PPP1R16A: variants seen among roughly 807,000 people sequenced by gnomAD.
The protein encoded by PPP1R16A is protein phosphatase 1 regulatory subunit 16A, also known as myosin phosphatase-targeting subunit 3.
A neutral mutation model predicts 46.6 loss-of-function variants in PPP1R16A; 39 were observed. The observed-to-expected ratio is 0.84, with a 90% CI of 0.65 to 1.09. The LOEUF (loss-of-function observed/expected upper bound fraction) is 1.09. PPP1R16A is among the 50% of genes least tolerant of loss of function. PPP1R16A has a pLI of 0.00. For synonymous variants in PPP1R16A, 413 were observed against 321.5 expected, an observed-to-expected ratio of 1.28 and a Z score of -3.04; for missense variants, 798 against 735.6, an observed-to-expected ratio of 1.08 and a Z score of -0.98.
chr8:144,498,174 G>T (rs751196779), intron 3 of PPP1R16A: 1 of 436,410 alleles, frequency 2.3e-6, no homozygotes, highest in Non-Finnish European at 4.7e-6. Flanking sequence ...GGAGGCAGAG[G>T]GAAGAGGCGG....
At chr8:144,491,987 T>C (rs1825828716) in intron 2 of PPP1R16A, among the ~76,000 whole-genome samples, 2 of 152,184 alleles carry the variant, frequency 1.3e-5, no homozygotes, top group Non-Finnish European at 2.9e-5. Flanking sequence ...TAGTTATAAG[T>C]TACAGGAACC....
At chr8:144,490,894 A>G (rs767798681) in intron 2 of PPP1R16A, among the ~76,000 whole-genome samples, 1 of 152,146 alleles carries the variant, frequency 6.6e-6, no homozygotes, top group African/African-American at 2.4e-5. Context: ...AACTCCACAC[A>G]CAAAAAAGAC....
intron 2 of PPP1R16A, among the ~76,000 whole-genome samples, chr8:144,492,358 G>T (rs2251727): frequency 0.52 from 74,070 of 143,662 alleles, 19,702 homozygotes; most frequent in African/African-American, 0.63. Context: ...TTTTTTGATA[G>T]GGAGTCTCTC....
rs1255417549 is a variant in PPP1R16A, at chr8:144,500,823, G to A, written c.908-19G>A. 8.2e-6 allele frequency: 13 copies of A among 1,588,724 alleles called. No homozygotes were observed. The highest frequency in any genetic ancestry group is 2.3e-5 in the East Asian group (1 of 43,654). On this transcript the variant is annotated intron_variant, in intron 9 of 11. Transcript: ENST00000435887. ...GACAGGCGGGGAGGGCGCCCCTGACGCCTGCGCCCACTTCTCAGATGTGTG... is the reference window on the plus strand; with the variant it reads ...GACAGGCGGGGAGGGCGCCCCTGACACCTGCGCCCACTTCTCAGATGTGTG...
At chr8:144,499,720 C>T in intron 5 of PPP1R16A, 1 of 245,256 alleles carries the variant, frequency 4.1e-6, no homozygotes, top group East Asian at 1.0e-4. Context: ...CGCCCTTCTT[C>T]CCTGGGGCCA....
Position 144,478,051 on chromosome 8 carries a change from G to A in PPP1R16A, c.-990G>A, listed in dbSNP as rs1586731593. ...CGGGTGCGGGGCCCGCCCCCGCAGC[G>A]CCTCAGGGAGCGCGGGGCCCACTGA... On this transcript the variant is annotated 5_prime_UTR_variant, in exon 1 of 12. Transcript: ENST00000435887. 1 of 395,190 alleles carries A rather than the reference G, an allele frequency of 2.5e-6. No homozygotes were observed. Among genetic ancestry groups the A allele is most frequent in the East Asian group, 3.6e-5 (1 of 27,848 alleles). 24.5% of individuals were successfully genotyped at this position (395,190 alleles called of 1,614,324 possible). A position where few individuals can be genotyped will look rare whatever the true frequency, so the allele number is the denominator to read the frequency against.
intron 1 of PPP1R16A, among the ~76,000 whole-genome samples, chr8:144,489,228 C>A (rs1158416983): frequency 7.2e-3 from 94 of 13,110 alleles, no homozygotes; most frequent in Admixed American, 0.016. Context: ...GGGGGGTTGG[C>A]CTGGGAGGGG....
intron 1 of PPP1R16A, among the ~76,000 whole-genome samples, chr8:144,489,281 TGG>T (rs1405477425): frequency 5.6e-5 from 2 of 35,866 alleles, no homozygotes; most frequent in African/African-American, 1.2e-4. Context: ...GGGGTTGGAC[TGG>T]GAGGGGGGTT....
At position 144,496,998 on chromosome 8, in the gene PPP1R16A, G is replaced by A. The variant is rs1826101776; in HGVS notation, c.-197G>A. 2.9e-6 allele frequency: 2 copies of A among 691,944 alleles called. No individual in the cohort carries two copies. The highest frequency in any genetic ancestry group is 1.9e-5 in the South Asian group (1 of 53,278). The allele number at this position is 691,944 out of a possible 1,614,324, so 42.9% of individuals were successfully genotyped here. ...CCTCCCACACTGCCCTCCCTGCCCC[G>A]GCCCATGCCCCCCAGGGCTGCCTGG... On this transcript the variant is annotated 5_prime_UTR_variant, in exon 3 of 12. Coordinates refer to ENST00000435887, the MANE Select transcript of PPP1R16A (RefSeq NM_001329443.2).
In PPP1R16A at chr8:144,500,212, G is replaced by T; in HGVS notation, c.580+13G>T. 1 of 1,596,580 alleles carries T rather than the reference G, an allele frequency of 6.3e-7. No individual in the cohort carries two copies. Among genetic ancestry groups the T allele is most frequent in the Non-Finnish European group, 8.5e-7 (1 of 1,172,498 alleles). On this transcript the variant is annotated intron_variant, in intron 6 of 11. Transcript: ENST00000435887. ...ATGGCCGACCGTGGTAGGTGCGGCG[G>T]TGCGGCTGTGGGAGGGCTGCCGGTC...
chr8:144,501,406 GC>G, intron 11 of PPP1R16A, 112 bp downstream of exon 11: 2 of 1,478,496 alleles, frequency 1.4e-6, no homozygotes, highest in East Asian at 2.5e-5. Context: ...CCCTGCAGGG[GC>G]CAGCTTTTGC....
Position 144,497,270 on chromosome 8 carries a change from GC to G in PPP1R16A, c.79del (p.Gln27ArgfsTer8). On this transcript the variant is annotated frameshift_variant, in exon 3 of 12. Transcript: ENST00000435887. LOFTEE classifies it high-confidence loss of function. ...RMSTQERLKH[A>X]QKRRAQQVKM... ...GAGCACACAGGAGCGGCTGAAGCAT[GC>G]CCAGAAGCGGCGCGCCCAGCAGGTG... 1 of 1,610,468 alleles carries G rather than the reference GC, an allele frequency of 6.2e-7. No homozygotes were observed. The highest frequency in any genetic ancestry group is 8.5e-7 in the Non-Finnish European group (1 of 1,179,010).
Position 144,497,433 on chromosome 8 carries a change from C to T in PPP1R16A, c.239C>T (p.Ala80Val), listed in dbSNP as rs1271799116. 6.2e-7 allele frequency: 1 copy of T among 1,612,966 alleles called. No individual in the cohort carries two copies. The highest frequency in any genetic ancestry group is 8.5e-7 in the Non-Finnish European group (1 of 1,180,012). Residue 80 changes from alanine (A) to valine (V), a missense_variant, in exon 3 of 12, where the codon GCC becomes GTC. Ala to Val is a moderately conservative substitution (Grantham distance 64, BLOSUM62 0). Coordinates refer to ENST00000435887, the MANE Select transcript of PPP1R16A (RefSeq NM_001329443.2). ...AGTGTTGTCCTTCTGGAGGCCGCTG[C>T]CCGAAATGACCTGGAAGAAGGTGAG... The part of the protein sequence containing the change: ...PPSVVLLEAA[A>V]RNDLEEVRQF...
At position 144,499,919 on chromosome 8, in the gene PPP1R16A, G is replaced by A. The variant is rs1435284247; in HGVS notation, c.477-177G>A. ...CTGCAGGAGGCCTGTCTGGCTTAAT[G>A]ACAGGATCTAGGACAGCCGATGGGC... is the stretch of plus-strand genomic sequence containing the variant. On this transcript the variant is annotated intron_variant, in intron 5 of 11. Coordinates refer to ENST00000435887, the MANE Select transcript of PPP1R16A (RefSeq NM_001329443.2). 21 of 620,838 alleles carry A rather than the reference G, an allele frequency of 3.4e-5. No individual in the cohort carries two copies. In the East Asian group the frequency reaches 4.7e-4, roughly 14 times the overall value. The allele number at this position is 620,838 out of a possible 1,614,324, so 38.5% of individuals were successfully genotyped here. A position where few individuals can be genotyped will look rare whatever the true frequency, so the allele number is the denominator to read the frequency against.
At chr8:144,482,460 T>C (rs978353240) in intron 1 of PPP1R16A, among the ~76,000 whole-genome samples, 4 of 152,156 alleles carry the variant, frequency 2.6e-5, no homozygotes, top group African/African-American at 9.7e-5. Context: ...CAATCTTGGC[T>C]CACTGCAACC....
At chr8:144,480,511 A>AG (rs1491490603) in intron 1 of PPP1R16A, among the ~76,000 whole-genome samples, 1 of 149,748 alleles carries the variant, frequency 6.7e-6, no homozygotes, top group Non-Finnish European at 1.5e-5. Context: ...TTTTTGAGAC[A>AG]GAGTCTTGCT....
Position 144,499,018 on chromosome 8 carries a change from G to A in PPP1R16A, c.433G>A (p.Ala145Thr). 6.3e-7 allele frequency: 1 copy of A among 1,589,656 alleles called. No homozygotes were observed. The highest frequency in any genetic ancestry group is 8.6e-7 in the Non-Finnish European group (1 of 1,164,308). Residue 145 changes from alanine (A) to threonine (T), a missense_variant, in exon 5 of 12, where the codon GCC (alanine) becomes ACC (threonine). Coordinates refer to ENST00000435887, the MANE Select transcript of PPP1R16A (RefSeq NM_001329443.2). ...SECWTPLHAAATCGHLHLVEL... is the reference protein window; with the variant it reads ...SECWTPLHAATTCGHLHLVEL... ...GTGCTGGACGCCTCTGCATGCTGCG[G>A]CCACCTGCGGCCACCTGCACCTGGT...
Position 144,485,721 on chromosome 8 carries a change from G to T in PPP1R16A, c.-913-4313G>T, listed in dbSNP as rs376046927. ...TTCACAGCTTTCCATGTGTCTACCT[G>T]TGTGTGTGTGGTTTAGTTCTGCGCA... On this transcript the variant is annotated intron_variant, in intron 1 of 11. Transcript: ENST00000435887. 8.5e-5 allele frequency among the ~76,000 whole-genome samples: 13 copies of T among 152,064 alleles called. No homozygotes were observed. In the East Asian group the frequency reaches 2.5e-3, roughly 29 times the overall value.
intron 5 of PPP1R16A, 123 bp downstream of exon 5, chr8:144,499,184 C>T: frequency 7.9e-7 from 1 of 1,261,818 alleles, no homozygotes; most frequent in African/African-American, 1.5e-5. Context: ...CCTTTGCTGA[C>T]CCTGCCTGTG....
Sources: allele counts gnomAD v4.1 joint callset (sites outside exome capture counted in the v4.1 genomes callset), GRCh38; gene constraint gnomAD v4.1.1; transcripts MANE v1.5; gene names NCBI Gene and HGNC (gene_info 2026-07-23, HGNC 2026-07-21).